ANKRD18B: variants seen among roughly 807,000 people sequenced by gnomAD.
ANKRD18B encodes the protein ankyrin repeat domain-containing protein 18B.
Under a neutral mutation model 111.8 loss-of-function variants are expected in ANKRD18B, and 75 were observed. That is an observed-to-expected ratio of 0.67 (90% CI 0.56 to 0.81). The LOEUF (loss-of-function observed/expected upper bound fraction) is 0.81. Among genes scored for constraint, ANKRD18B ranks in the 40% least tolerant of loss-of-function variants. The probability of loss-of-function intolerance (pLI) is 0.00; values close to 1 mark genes in which losing one functional copy is unlikely to be tolerated. For synonymous variants in ANKRD18B, 356 were observed against 417.3 expected, an observed-to-expected ratio of 0.85 and a Z score of 1.79; for missense variants, 1,038 against 1,225.5, an observed-to-expected ratio of 0.85 and a Z score of 2.28.
In ANKRD18B at chr9:33,524,442, G is replaced by T; in HGVS notation, c.-48G>T. 1 of 1,498,692 alleles carries T rather than the reference G, an allele frequency of 6.7e-7. No individual in the cohort carries two copies. Among genetic ancestry groups the T allele is most frequent in the Non-Finnish European group, 8.9e-7 (1 of 1,122,028 alleles). 92.8% of individuals were successfully genotyped at this position (1,498,692 alleles called of 1,614,324 possible). A position where few individuals can be genotyped will look rare whatever the true frequency, so the allele number is the denominator to read the frequency against. ...GGTGGGGGTGGAAAGGCCACGAGGAGCCGCGGCGTCTCAGGAGCGGGTGGT... is the reference window on the plus strand; with the variant it reads ...GGTGGGGGTGGAAAGGCCACGAGGATCCGCGGCGTCTCAGGAGCGGGTGGT... On this transcript the variant is annotated 5_prime_UTR_variant, in exon 1 of 19. Coordinates refer to ENST00000684830, the MANE Select transcript of ANKRD18B (RefSeq NM_001393611.1).
intron 14 of ANKRD18B, among the ~76,000 whole-genome samples, chr9:33,560,379 G>T (rs1043682465): frequency 6.6e-6 from 1 of 152,248 alleles, no homozygotes; most frequent in Non-Finnish European, 1.5e-5. Flanking sequence ...CCCAGTGCAT[G>T]TGGGCCTCCA....
At chr9:33,554,907 G>C (rs1430849221) in intron 12 of ANKRD18B, among the ~76,000 whole-genome samples, 1 of 151,680 alleles carries the variant, frequency 6.6e-6, no homozygotes, top group Non-Finnish European at 1.5e-5. Context: ...ATTGTGACAG[G>C]TTCATAACTT....
At chr9:33,564,728 C>A (rs1273579507) in intron 14 of ANKRD18B, among the ~76,000 whole-genome samples, 3 of 152,002 alleles carry the variant, frequency 2.0e-5, no homozygotes, top group Non-Finnish European at 4.4e-5. Context: ...TCTATGATAG[C>A]CATTTATTGA....
At chr9:33,551,258 T>A (rs1337247336) in intron 12 of ANKRD18B, among the ~76,000 whole-genome samples, 1 of 152,200 alleles carries the variant, frequency 6.6e-6, no homozygotes, top group East Asian at 1.9e-4. Context: ...AATTCACATG[T>A]CAGACAGTTC....
At chr9:33,537,301 GA>G (rs1349085285) in intron 6 of ANKRD18B, among the ~76,000 whole-genome samples, 4 of 151,558 alleles carry the variant, frequency 2.6e-5, no homozygotes, top group African/African-American at 9.7e-5. Context: ...TATCTCCAAA[GA>G]AAACAAAAAG....
At position 33,566,202 on chromosome 9, in the gene ANKRD18B, T is replaced by C. The variant is rs1180576861; in HGVS notation, c.2461-17T>C. ...CAGCCTACTTCATTATCAAGCTCTA[T>C]TATTTTATTAATGCAGTTTGATGAT... On this transcript the variant is annotated splice_polypyrimidine_tract_variant and intron_variant, in intron 14 of 18. Coordinates refer to ENST00000684830, the MANE Select transcript of ANKRD18B (RefSeq NM_001393611.1). 2.0e-6 allele frequency: 3 copies of C among 1,537,870 alleles called. No homozygotes were observed. In the East Asian group the frequency reaches 7.3e-5, roughly 37 times the overall value.
intron 12 of ANKRD18B, 26 bp downstream of exon 12, chr9:33,550,605 C>G (rs1187823826): frequency 6.7e-7 from 1 of 1,499,226 alleles, no homozygotes. Flanking sequence ...AACATGTAGA[C>G]AGTTAATCTG....
chr9:33,569,532 T>G (rs1184591906), intron 17 of ANKRD18B, among the ~76,000 whole-genome samples: 1 of 152,076 alleles, frequency 6.6e-6, no homozygotes, highest in Non-Finnish European at 1.5e-5. Context: ...AGTGCTGGGA[T>G]TACAGGGGTG....
intron 17 of ANKRD18B, among the ~76,000 whole-genome samples, chr9:33,569,509 A>G (rs920667787): frequency 6.6e-6 from 1 of 151,708 alleles, no homozygotes; most frequent in Non-Finnish European, 1.5e-5. Flanking sequence ...ATCCACCCAC[A>G]ACAGCCTCCC....
intron 6 of ANKRD18B, among the ~76,000 whole-genome samples, chr9:33,537,753 A>G (rs772603184): frequency 3.3e-5 from 5 of 152,206 alleles, no homozygotes; most frequent in Non-Finnish European, 7.3e-5. Flanking sequence ...AACTACTAAT[A>G]ACCTACCGTT....
At chr9:33,563,432 T>A (rs1828636435) in intron 14 of ANKRD18B, among the ~76,000 whole-genome samples, 1 of 152,078 alleles carries the variant, frequency 6.6e-6, no homozygotes, top group African/African-American at 2.4e-5. Flanking sequence ...GAACCTCAGC[T>A]GGGGCAGGCA....
intron 12 of ANKRD18B, among the ~76,000 whole-genome samples, chr9:33,553,865 G>T (rs1326029410): frequency 2.6e-5 from 4 of 151,956 alleles, no homozygotes; most frequent in Non-Finnish European, 5.9e-5. Flanking sequence ...ATTACCTGAG[G>T]TCAGAAGTAC....
chr9:33,556,294 G>T (rs1421674402), intron 13 of ANKRD18B, among the ~76,000 whole-genome samples: 1 of 151,894 alleles, frequency 6.6e-6, no homozygotes, highest in Non-Finnish European at 1.5e-5. Flanking sequence ...GACAGAGTCT[G>T]GCTCTGTCAC....
chr9:33,547,294 A>C (rs535716578), intron 10 of ANKRD18B, among the ~76,000 whole-genome samples: 1 of 152,282 alleles, frequency 6.6e-6, no homozygotes, highest in East Asian at 1.9e-4. Flanking sequence ...CAGCTTGCTT[A>C]TATTTTTAAC....
At chr9:33,574,802 G>T (rs376470413), downstream of ANKRD18B, among the ~76,000 whole-genome samples, 1 of 152,202 alleles carries the variant, frequency 6.6e-6, no homozygotes, top group African/African-American at 2.4e-5. Context: ...TCAGTTCAGG[G>T]GATAGAGGAC....
In ANKRD18B at chr9:33,572,339, T is replaced by C; in HGVS notation, c.3247T>C (p.Ser1083Pro). The C allele has an allele frequency of 6.2e-7, 1 of 1,611,802 alleles. No homozygotes were observed. The change falls in exon 19 of 19, where the codon TCC (serine) becomes CCC (proline). Residue 1083 changes from serine to proline, a missense_variant. Ser to Pro is a moderately conservative substitution (Grantham distance 74). This residue lies in a region of ANKRD18B where 524 missense variants were observed against 677.9 expected (regional missense o/e 0.77). Coordinates refer to ENST00000684830, the MANE Select transcript of ANKRD18B (RefSeq NM_001393611.1). ...AGCTTTTGCTGCGTTGGGCCCTTGC[T>C]CCTATCTACTTTCTTCTCTAGAATC... ...KKTFAALGPCSYLLSSLESTG... is the reference protein window; with the variant it reads ...KKTFAALGPCPYLLSSLESTG...
At chr9:33,563,801 C>T (rs1828646580) in intron 14 of ANKRD18B, among the ~76,000 whole-genome samples, 1 of 151,804 alleles carries the variant, frequency 6.6e-6, no homozygotes, top group African/African-American at 2.4e-5. Context: ...CATTCAAAAT[C>T]TTCTAGCTTT....
At position 33,529,087 on chromosome 9, in the gene ANKRD18B, G is replaced by C; in HGVS notation, c.409G>C (p.Ala137Pro). ...PNIKDIYGNT[A>P]LHYAVYNEGT... ...CATTAAGGATATCTACGGCAACACTGCTCTCCATTATGCCGTGTATAATGA... is the reference window on the plus strand; with the variant it reads ...CATTAAGGATATCTACGGCAACACTCCTCTCCATTATGCCGTGTATAATGA... Residue 137 changes from alanine to proline, a missense_variant, in exon 3 of 19, where the codon GCT becomes CCT. This residue lies in a region of ANKRD18B where 216 missense variants were observed against 205.1 expected (regional missense o/e 1.05). Transcript: ENST00000684830. 5 of 1,612,080 alleles carry C rather than the reference G, an allele frequency of 3.1e-6. No individual in the cohort carries two copies. Among genetic ancestry groups the C allele is most frequent in the Non-Finnish European group, 4.2e-6 (5 of 1,179,858 alleles).
At chr9:33,545,747 C>G (rs188861183) in intron 10 of ANKRD18B, among the ~76,000 whole-genome samples, 124 of 152,288 alleles carry the variant, frequency 8.1e-4, no homozygotes, top group Admixed American at 2.7e-3. Context: ...AGGCTTGTTA[C>G]AAGTAGAGTT....
Sources: gnomAD v4.1 joint callset for allele counts (sites outside exome capture counted in the v4.1 genomes callset) on GRCh38, gnomAD v4.1.1 for gene constraint, gnomAD v4.1.1 regional missense constraint, MANE v1.5 for transcripts, NCBI Gene and HGNC (gene_info 2026-07-23, HGNC 2026-07-21) for gene names.